The following NAA16 variants were observed in gnomAD, a reference collection of about 807,000 sequenced individuals.
The protein encoded by NAA16 is NARG1-like protein.
A neutral mutation model predicts 110.3 loss-of-function variants in NAA16; 97 were observed. The observed-to-expected ratio is 0.88, with a 90% CI of 0.75 to 1.04. NAA16 has a LOEUF of 1.04. Ranked by LOEUF, NAA16 falls within the 50% of genes least tolerant of loss-of-function variation. The probability of loss-of-function intolerance (pLI) is 0.00; values close to 1 mark genes in which losing one functional copy is unlikely to be tolerated. For synonymous variants in NAA16, 372 were observed against 330.6 expected, an observed-to-expected ratio of 1.13 and a Z score of -1.36; for missense variants, 1,017 against 1,005.1, an observed-to-expected ratio of 1.01 and a Z score of -0.16.
At position 41,350,879 on chromosome 13, in the gene NAA16, C is replaced by T. The variant is rs942164119; in HGVS notation, c.1015-4265C>T. ...GGCTTAAGTGATCTGCCTGCCTCAG[C>T]CCCCGAAAGTGCTGTGGGATTATTA... On this transcript the variant is annotated intron_variant, in intron 9 of 19. Coordinates refer to ENST00000379406, the MANE Select transcript of NAA16 (RefSeq NM_024561.5). 8.5e-5 allele frequency among the ~76,000 whole-genome samples: 13 copies of T among 152,222 alleles called. No individual in the cohort carries two copies. The East Asian group carries it at 2.5e-3, about 29-fold the overall frequency.
At chr13:41,354,755 A>T (rs1300492009) in intron 9 of NAA16, 1 of 156,260 alleles carries the variant, frequency 6.4e-6, no homozygotes, top group Non-Finnish European at 1.4e-5. Context: ...AGGATTGCTA[A>T]CAATAATAAG....
chr13:41,367,549 A>G lies in NAA16; in HGVS notation c.1650A>G (p.Arg550=). Residue 550 remains arginine, a synonymous_variant, in exon 14 of 20, where the codon AGA becomes AGG. Transcript: ENST00000379406. ...DLLRLEDILR[R]HAFYFKAARS... Reference sequence around the variant, plus strand: ...TGAGATTAGAAGATATACTCAGAAGACATGCCTTTTATTTCAAGGCTGCTA... The same window carrying G: ...TGAGATTAGAAGATATACTCAGAAGGCATGCCTTTTATTTCAAGGCTGCTA... 5 of 1,613,236 alleles carry G rather than the reference A, an allele frequency of 3.1e-6. No homozygotes were observed. The highest frequency in any genetic ancestry group is 4.2e-6 in the Non-Finnish European group (5 of 1,179,474).
At chr13:41,320,517 C>A in intron 3 of NAA16, 150 bp from the exon 4 acceptor site, 1 of 679,202 alleles carries the variant, frequency 1.5e-6, no homozygotes, top group Non-Finnish European at 2.2e-6. Context: ...TCGTCTTTAA[C>A]TTCCCCTCAC....
At chr13:41,324,879 GT>G (rs796608842) in intron 5 of NAA16, among the ~76,000 whole-genome samples, 45 of 134,142 alleles carry the variant, frequency 3.4e-4, no homozygotes, top group East Asian at 4.5e-4. Flanking sequence ...ACAATGTTGT[GT>G]TTTTTTTTTT....
chr13:41,366,472 AAG>A (rs1021413533), intron 13 of NAA16, among the ~76,000 whole-genome samples: 3 of 152,186 alleles, frequency 2.0e-5, no homozygotes, highest in African/African-American at 7.2e-5. Flanking sequence ...CGTATGAAAA[AAG>A]AAGTTGGAGA....
At chr13:41,321,957 G>A (rs2041958623) in intron 4 of NAA16, among the ~76,000 whole-genome samples, 1 of 152,182 alleles carries the variant, frequency 6.6e-6, no homozygotes, top group Non-Finnish European at 1.5e-5. Flanking sequence ...TTCAAAGCGT[G>A]TATTTTTTTC....
rs139095051 is a variant in NAA16 at position 41,352,973 on chromosome 13, C to T, written c.1015-2171C>T. ...CTCTACTAAAAATAGAAAAATTAGC[C>T]GGGTGTGGTGGCGGGTGCCTGTAAT... is the stretch of plus-strand genomic sequence containing the variant. On this transcript the variant is annotated intron_variant, in intron 9 of 19. Transcript: ENST00000379406. Among the ~76,000 whole-genome samples, 45 of 152,044 alleles carry T rather than the reference C, an allele frequency of 3.0e-4. No individual in the cohort carries two copies. In the East Asian group the frequency reaches 7.2e-3, roughly 24 times the overall value.
At chr13:41,327,149 A>T (rs2042115359) in intron 6 of NAA16, among the ~76,000 whole-genome samples, 1 of 151,952 alleles carries the variant, frequency 6.6e-6, no homozygotes, top group Admixed American at 6.6e-5. Context: ...ACTTTTAACT[A>T]CTATACTCTT....
At chr13:41,362,447 G>A (rs568265451) in intron 13 of NAA16, 8 of 336,478 alleles carry the variant, frequency 2.4e-5, no homozygotes, top group South Asian at 1.7e-4. Flanking sequence ...CCCTAATTAG[G>A]CCATTATTTT....
chr13:41,364,863 G>A (rs1037218228), intron 13 of NAA16, among the ~76,000 whole-genome samples: 3 of 152,024 alleles, frequency 2.0e-5, no homozygotes, highest in Admixed American at 6.6e-5. Context: ...TAAATCCAGA[G>A]GTTTTTGTTG....
At chr13:41,355,592 C>T (rs2042961534) in intron 10 of NAA16, among the ~76,000 whole-genome samples, 1 of 151,938 alleles carries the variant, frequency 6.6e-6, no homozygotes, top group Admixed American at 6.6e-5. Flanking sequence ...ACCACTCCTG[C>T]CTAAGTGTTG....
At chr13:41,375,258 G>GTCAA (rs1321373509) in intron 19 of NAA16, 147 bp from the exon 20 acceptor site, 1 of 563,106 alleles carries the variant, frequency 1.8e-6, no homozygotes, top group African/African-American at 1.9e-5. Context: ...CTTTTTTGAG[G>GTCAA]TGATTGCTTA....
At chr13:41,360,971 A>T (rs994425471) in intron 12 of NAA16, among the ~76,000 whole-genome samples, 2 of 152,222 alleles carry the variant, frequency 1.3e-5, no homozygotes, top group African/African-American at 2.4e-5. Flanking sequence ...TCACCCAGAG[A>T]TAACTAGTTT....
chr13:41,318,846 A>G lies in NAA16; in HGVS notation c.180A>G (p.Gly60=). ...AAGGATTAACACTGAACTGTTTAGG[A>G]AAAAAAGAAGAAGCTTATGAGTTTG... The part of the protein sequence containing the change: ...AMKGLTLNCL[G]KKEEAYEFVR... The change falls in exon 3 of 20, where the codon GGA becomes GGG. Residue 60 remains glycine (G), a synonymous_variant. Coordinates refer to ENST00000379406, the MANE Select transcript of NAA16 (RefSeq NM_024561.5). 1 of 1,602,966 alleles carries G rather than the reference A, an allele frequency of 6.2e-7. No homozygotes were observed.
chr13:41,352,580 G>T (rs1335221863), intron 9 of NAA16, among the ~76,000 whole-genome samples: 1 of 151,888 alleles, frequency 6.6e-6, no homozygotes, highest in Non-Finnish European at 1.5e-5. Context: ...GCTTGAACCT[G>T]GGAGGCAGAG....
intron 7 of NAA16, among the ~76,000 whole-genome samples, chr13:41,329,865 G>A (rs1308779100): frequency 6.6e-6 from 1 of 151,864 alleles, no homozygotes; most frequent in African/African-American, 2.4e-5. Context: ...TGTTCCATAT[G>A]TCAGGATTCT....
Position 41,320,756 on chromosome 13 carries a change from GATAACCTGC to G in NAA16, c.336_344del (p.Asp112_Gln115delinsGlu), listed in dbSNP as rs772398475. 10 of 1,613,310 alleles carry G rather than the reference GATAACCTGC, an allele frequency of 6.2e-6. No individual in the cohort carries two copies. Among genetic ancestry groups the G allele is most frequent in the Non-Finnish European group, 8.5e-6 (10 of 1,179,878 alleles). ...CCGAAATGCCCTCAAATTAGATAAA[GATAACCTGC>G]AAATTTTGAGGGATCTCTCACTGTT... On this transcript the variant is annotated inframe_deletion, in exon 4 of 20. Transcript: ENST00000379406.
intron 9 of NAA16, among the ~76,000 whole-genome samples, chr13:41,351,862 A>C (rs1292871971): frequency 2.0e-5 from 3 of 152,244 alleles, no homozygotes; most frequent in Non-Finnish European, 4.4e-5. Flanking sequence ...ACTTTAAAAT[A>C]ATGGAGGCAA....
At chr13:41,337,389 A>G (rs2042408924) in intron 9 of NAA16, among the ~76,000 whole-genome samples, 1 of 151,966 alleles carries the variant, frequency 6.6e-6, no homozygotes, top group Non-Finnish European at 1.5e-5. Context: ...TAAGAATACA[A>G]AAAATTAGCC....
Sources: allele counts gnomAD v4.1 joint callset (sites outside exome capture counted in the v4.1 genomes callset), GRCh38; gene constraint gnomAD v4.1.1; transcripts MANE v1.5; gene names NCBI Gene and HGNC (gene_info 2026-07-23, HGNC 2026-07-21).